Variants in ZNF268 observed in about 807,000 individuals in gnomAD.
ZNF268 encodes the protein zinc finger protein 268, also known as zinc finger protein 3.
Under a neutral mutation model 29.3 loss-of-function variants are expected in ZNF268, and 20 were observed. That is an observed-to-expected ratio of 0.68 (90% CI 0.48 to 0.99). The LOEUF (loss-of-function observed/expected upper bound fraction) is 0.99, where lower values mean the gene tolerates loss of function less well. ZNF268 is among the 50% of genes least tolerant of loss of function. The pLI is 0.00. For missense variants in ZNF268, 1,240 were observed against 1,121.6 expected, an observed-to-expected ratio of 1.11 and a Z score of -1.51; for synonymous variants, 429 against 376.9, an observed-to-expected ratio of 1.14 and a Z score of -1.60.
Position 133,203,726 on chromosome 12 carries a change from G to C in ZNF268, c.2040G>C (p.Lys680Asn), listed in dbSNP as rs139453147. Residue 680 changes from lysine (K) to asparagine (N), a missense_variant, in exon 6 of 6, where the codon AAG (lysine) becomes AAC (asparagine). Lys to Asn is a moderately conservative substitution (Grantham distance 94). Coordinates refer to ENST00000536435, the MANE Select transcript of ZNF268 (RefSeq NM_003415.3). The stretch of plus-strand genomic sequence containing the variant: ...AATGTGCAAAAACCTTTAGTTTGAA[G>C]TCCCAGCTCATTGTACATCAGAGAA... ...CSQCAKTFSL[K>N]SQLIVHQRSH... 2.3e-3 allele frequency: 3,548 copies of C among 1,549,984 alleles called. 70 individuals are homozygous for C. In the African/African-American group the frequency reaches 0.044, roughly 19 times the overall value.
rs1208269931 is a variant in ZNF268 at position 133,210,942 on chromosome 12, A to G, written c.*6412A>G. On this transcript the variant is annotated 3_prime_UTR_variant, in exon 6 of 6. Transcript: ENST00000536435. Reference sequence around the variant, plus strand: ...CAGTGCTTCCTGTTTTGTGATGGCCATGTGCCCCCTCTTGCAGTCCCAGTG... The same window carrying G: ...CAGTGCTTCCTGTTTTGTGATGGCCGTGTGCCCCCTCTTGCAGTCCCAGTG... 1 of 455,874 alleles carries G rather than the reference A, an allele frequency of 2.2e-6. No individual in the cohort carries two copies. Among genetic ancestry groups the G allele is most frequent in the Non-Finnish European group, 4.4e-6 (1 of 226,788 alleles). The allele number at this position is 455,874 out of a possible 1,614,324, so 28.2% of individuals were successfully genotyped here.
rs1956428957 is a variant in ZNF268, at chr12:133,190,078, G to C, written c.235-1411G>C. On this transcript the variant is annotated intron_variant, in intron 3 of 5. Transcript: ENST00000536435. ...CCGCCTCGGCCTCCCAAAGTGCTAG[G>C]GTTACAGGCGTGAGCCATGGCGCCT... 2.0e-5 allele frequency among the ~76,000 whole-genome samples: 3 copies of C among 152,308 alleles called. 1 individual carries two copies. In the South Asian group the frequency reaches 6.2e-4, roughly 32 times the overall value.
At chr12:133,193,468 T>C in intron 5 of ZNF268, 1 of 696,908 alleles carries the variant, frequency 1.4e-6, no homozygotes, top group Non-Finnish European at 2.6e-6. Context: ...TGCTGGCAGG[T>C]TTGGTGTCTG....
In ZNF268 at chr12:133,186,067, C is replaced by T. The variant is rs1328872886; in HGVS notation, c.34-1805C>T. Among the ~76,000 whole-genome samples the T allele has an allele frequency of 2.0e-5, 3 of 152,136 alleles. No homozygotes were observed. The East Asian group carries it at 5.8e-4, about 29-fold the overall frequency. On this transcript the variant is annotated intron_variant, in intron 2 of 5. Coordinates refer to ENST00000536435, the MANE Select transcript of ZNF268 (RefSeq NM_003415.3). ...ATCACCTTAAAACTTCACAGTAGCCCTAGCCCCAGGTGGTGAATACTGTTT... is the reference window on the plus strand; with the variant it reads ...ATCACCTTAAAACTTCACAGTAGCCTTAGCCCCAGGTGGTGAATACTGTTT...
Position 133,204,126 on chromosome 12 carries a change from G to T in ZNF268, c.2440G>T (p.Gly814Trp). The T allele has an allele frequency of 6.5e-7, 1 of 1,544,640 alleles. No individual in the cohort carries two copies. Among genetic ancestry groups the T allele is most frequent in the Non-Finnish European group, 8.7e-7 (1 of 1,147,712 alleles). ...GEKPYECNEC[G>W]KAFIWKSLLI... The stretch of plus-strand genomic sequence containing the variant: ...AAAACCATATGAATGTAATGAATGT[G>T]GGAAAGCCTTCATTTGGAAATCACT... The change falls in exon 6 of 6, where the codon GGG becomes TGG. Residue 814 changes from glycine (G) to tryptophan (W), a missense_variant. By Grantham distance (184) the Gly-to-Trp change is radical. Transcript: ENST00000536435.
At chr12:133,182,499 G>C (rs983671527) in intron 2 of ZNF268, among the ~76,000 whole-genome samples, 1 of 152,132 alleles carries the variant, frequency 6.6e-6, no homozygotes, top group African/African-American at 2.4e-5. Flanking sequence ...AGGAATGGTG[G>C]ATAAGAAAGA....
At position 133,212,131 on chromosome 12, in the gene ZNF268, C is replaced by T. The variant is rs1178401258; in HGVS notation, c.*7601C>T. On this transcript the variant is annotated 3_prime_UTR_variant, in exon 6 of 6. Transcript: ENST00000536435. ...GACCAGTGTGAAAAGGCTGTATGATCCTATTTCTATGATGTTATGGAAAAG... is the reference window on the plus strand; with the variant it reads ...GACCAGTGTGAAAAGGCTGTATGATTCTATTTCTATGATGTTATGGAAAAG... 3.9e-5 allele frequency: 6 copies of T among 152,158 alleles called. No homozygotes were observed. The East Asian group carries it at 1.2e-3, about 29-fold the overall frequency. The allele number at this position is 152,158 out of a possible 1,614,324, so 9.4% of individuals were successfully genotyped here. A position where few individuals can be genotyped will look rare whatever the true frequency, so the allele number is the denominator to read the frequency against.
rs192850215 is a variant in ZNF268 at position 133,206,697 on chromosome 12, A to G, written c.*2167A>G. 19 of 152,360 alleles carry G rather than the reference A, an allele frequency of 1.2e-4. No individual in the cohort carries two copies. Among genetic ancestry groups the G allele is most frequent in the Admixed American group, 9.8e-4 (15 of 15,298 alleles). The allele number at this position is 152,360 out of a possible 1,614,324, so 9.4% of individuals were successfully genotyped here. A position where few individuals can be genotyped will look rare whatever the true frequency, so the allele number is the denominator to read the frequency against. On this transcript the variant is annotated 3_prime_UTR_variant, in exon 6 of 6. Transcript: ENST00000536435. Reference sequence around the variant, plus strand: ...TTTCATCCTTGAAGCGGAGGAATTTAATGATACCTGAATGCCTAACTGTTG... The same window carrying G: ...TTTCATCCTTGAAGCGGAGGAATTTGATGATACCTGAATGCCTAACTGTTG...
Position 133,188,272 on chromosome 12 carries a change from C to G in ZNF268, c.234+200C>G, listed in dbSNP as rs1342208642. On this transcript the variant is annotated intron_variant, in intron 3 of 5. Coordinates refer to ENST00000536435, the MANE Select transcript of ZNF268 (RefSeq NM_003415.3). ...AGCGCAGTGGTGCAATCATAACTCA[C>G]TGCAGCCTCAAACTCCAGGCTCAAG... is the stretch of plus-strand genomic sequence containing the variant. 4 of 549,362 alleles carry G rather than the reference C, an allele frequency of 7.3e-6. No individual in the cohort carries two copies. In the African/African-American group the frequency reaches 7.6e-5, roughly 10 times the overall value. The allele number at this position is 549,362 out of a possible 1,614,324, so 34.0% of individuals were successfully genotyped here.
In ZNF268 at chr12:133,209,295, A is replaced by C. The variant is rs1956947789; in HGVS notation, c.*4765A>C. The C allele has an allele frequency of 6.6e-6, 1 of 152,006 alleles. No individual in the cohort carries two copies. Among genetic ancestry groups the C allele is most frequent in the African/African-American group, 2.4e-5 (1 of 41,346 alleles). 9.4% of individuals were successfully genotyped at this position (152,006 alleles called of 1,614,324 possible). A position where few individuals can be genotyped will look rare whatever the true frequency, so the allele number is the denominator to read the frequency against. Reference sequence around the variant, plus strand: ...GTAGAGTTATTTATTTCTTGTAGAGATGGGGTTTTACCATGTTTTCCAGTC... The same window carrying C: ...GTAGAGTTATTTATTTCTTGTAGAGCTGGGGTTTTACCATGTTTTCCAGTC... On this transcript the variant is annotated 3_prime_UTR_variant, in exon 6 of 6. Coordinates refer to ENST00000536435, the MANE Select transcript of ZNF268 (RefSeq NM_003415.3).
At chr12:133,191,812 C>T (rs1593892131) in intron 4 of ZNF268, 96 bp from the exon 5 acceptor site, 2 of 1,497,416 alleles carry the variant, frequency 1.3e-6, no homozygotes, top group Non-Finnish European at 1.9e-6. Flanking sequence ...AAGGCAGCTT[C>T]ATCATGCTAC....
intron 5 of ZNF268, among the ~76,000 whole-genome samples, chr12:133,195,892 A>G (rs1956580179): frequency 6.6e-6 from 1 of 151,304 alleles, no homozygotes; most frequent in Admixed American, 6.6e-5. Flanking sequence ...TAATTTTTGT[A>G]TTTTTAGACA....
At chr12:133,185,961 T>G (rs1395512852) in intron 2 of ZNF268, among the ~76,000 whole-genome samples, 7 of 152,212 alleles carry the variant, frequency 4.6e-5, no homozygotes, top group African/African-American at 1.7e-4. Context: ...TTGTTTTGTT[T>G]TCTTTTGCCG....
chr12:133,197,372 A>T (rs1271760731), intron 5 of ZNF268, among the ~76,000 whole-genome samples: 3 of 150,720 alleles, frequency 2.0e-5, no homozygotes, highest in African/African-American at 7.3e-5. Context: ...TGAACTCATC[A>T]TTTTTTATGG....
chr12:133,203,438 T>C lies in ZNF268; in HGVS notation c.1752T>C (p.Tyr584=), dbSNP rs141697193. 506 of 1,543,054 alleles carry C rather than the reference T, an allele frequency of 3.3e-4. 2 individuals carry two copies. In the African/African-American group the frequency reaches 6.4e-3, roughly 20 times the overall value. Residue 584 remains tyrosine, a synonymous_variant, in exon 6 of 6, where the codon TAT becomes TAC. Coordinates refer to ENST00000536435, the MANE Select transcript of ZNF268 (RefSeq NM_003415.3). The part of the protein sequence containing the change: ...HQRTHAGEKP[Y]ECTDCGKAFG... ...GAACTCATGCAGGAGAGAAGCCTTA[T>C]GAATGCACCGACTGTGGAAAGGCTT...
rs944594486 is a variant in ZNF268 at position 133,182,025 on chromosome 12, A to T, written c.28A>T (p.Ile10Phe). ...GGCCACCAGGGTCCGGACAGCTTCT[A>T]TTTGGGTGAGTAGGGGTTTTCTTTC... MATRVRTAS[I>F]WVPPLQERNS... The change falls in exon 2 of 6, where the codon ATT (isoleucine) becomes TTT (phenylalanine). Residue 10 changes from isoleucine (I) to phenylalanine (F), a missense_variant. Physicochemically the swap from Ile to Phe is conservative, Grantham distance 21 (BLOSUM62 0). Transcript: ENST00000536435. The T allele has an allele frequency of 1.9e-6, 3 of 1,563,284 alleles. No individual in the cohort carries two copies. Among genetic ancestry groups the T allele is most frequent in the Non-Finnish European group, 2.6e-6 (3 of 1,153,550 alleles).
intron 2 of ZNF268, among the ~76,000 whole-genome samples, chr12:133,183,192 C>T (rs1222172788): frequency 6.6e-6 from 1 of 152,190 alleles, no homozygotes; most frequent in Non-Finnish European, 1.5e-5. Context: ...AATTGTCCTC[C>T]ACAAAACGAG....
At chr12:133,192,426 C>T (rs1421356246) in intron 5 of ZNF268, among the ~76,000 whole-genome samples, 1 of 152,012 alleles carries the variant, frequency 6.6e-6, no homozygotes, top group African/African-American at 2.4e-5. Context: ...CACTCTTAAT[C>T]TTCTCGTTGG....
At chr12:133,184,414 G>C (rs993210856) in intron 2 of ZNF268, among the ~76,000 whole-genome samples, 2 of 151,976 alleles carry the variant, frequency 1.3e-5, no homozygotes, top group Non-Finnish European at 2.9e-5. Flanking sequence ...TCTGCTCTCT[G>C]CTTTCAAGAT....
Sources: gnomAD v4.1 joint callset for allele counts (sites outside exome capture counted in the v4.1 genomes callset) on GRCh38, gnomAD v4.1.1 for gene constraint, MANE v1.5 for transcripts, NCBI Gene and HGNC (gene_info 2026-07-23, HGNC 2026-07-21) for gene names.